GNA12: variants seen among roughly 807,000 people sequenced by gnomAD.
GNA12 encodes the protein G protein subunit alpha 12, also known as guanine nucleotide-binding protein subunit alpha-12.
Under a neutral mutation model 26.0 loss-of-function variants are expected in GNA12, and 9 were observed. That is an observed-to-expected ratio of 0.35 (90% confidence interval 0.21 to 0.60). The LOEUF (loss-of-function observed/expected upper bound fraction) is 0.60. Ranked by LOEUF, GNA12 falls within the 20% of genes least tolerant of loss-of-function variation. GNA12 has a pLI of 0.78. For missense variants in GNA12, 405 were observed against 525.8 expected (o/e 0.77, Z 2.25); for synonymous variants, 264 against 219.6 (o/e 1.20, Z -1.79).
chr7:2,768,691 A>AAACC (rs1554258744), intron 2 of GNA12, among the ~76,000 whole-genome samples: 9 of 142,590 alleles, frequency 6.3e-5, no homozygotes, highest in South Asian at 4.4e-4. Flanking sequence ...ACAAAACAAA[A>AAACC]AAAAAAACAG....
chr7:2,813,702 G>T (rs894655214), intron 1 of GNA12, among the ~76,000 whole-genome samples: 1 of 152,212 alleles, frequency 6.6e-6, no homozygotes, highest in Admixed American at 6.5e-5. Flanking sequence ...AGGAAACAGC[G>T]TATTCGTTAG....
In GNA12 at chr7:2,748,314, A is replaced by G. The variant is rs1414273578; in HGVS notation, c.526-14813T>C. Among the ~76,000 whole-genome samples the G allele has an allele frequency of 2.0e-5, 3 of 152,352 alleles. No individual in the cohort carries two copies. In the East Asian group the frequency reaches 5.8e-4, roughly 29 times the overall value. ...ATGGTACTGGTACCAAAACAGACAC[A>G]TAGACCAATGGAACAGAACAGAGCC... is the stretch of plus-strand genomic sequence containing the variant. On this transcript the variant is annotated intron_variant, in intron 2 of 3. Transcript: ENST00000275364.
chr7:2,791,820 A>G (rs1419288761), intron 2 of GNA12, among the ~76,000 whole-genome samples: 1 of 152,192 alleles, frequency 6.6e-6, no homozygotes, highest in East Asian at 1.9e-4. Context: ...AACGACTATT[A>G]GGGTCCTACT....
At chr7:2,770,573 G>A (rs376502361) in intron 2 of GNA12, among the ~76,000 whole-genome samples, 9 of 152,132 alleles carry the variant, frequency 5.9e-5, no homozygotes, top group African/African-American at 2.2e-4. Flanking sequence ...AGTGAGCTAC[G>A]ATAAGCGTGC....
At chr7:2,744,054 AAGG>A (rs1346506825) in intron 2 of GNA12, among the ~76,000 whole-genome samples, 1 of 152,208 alleles carries the variant, frequency 6.6e-6, no homozygotes, top group Non-Finnish European at 1.5e-5. Context: ...ACCACAGCTC[AAGG>A]AGGCCTGCCT....
chr7:2,735,476 A>G (rs1258265021), intron 2 of GNA12, among the ~76,000 whole-genome samples: 1 of 152,182 alleles, frequency 6.6e-6, no homozygotes, highest in African/African-American at 2.4e-5. Context: ...CCGCCCAGAT[A>G]GTACGGACGC....
chr7:2,840,781 C>G (rs148757776), intron 1 of GNA12, among the ~76,000 whole-genome samples: 3 of 151,912 alleles, frequency 2.0e-5, no homozygotes, highest in African/African-American at 4.8e-5. Flanking sequence ...GCCCACGAGG[C>G]GACGCAAGGC....
chr7:2,836,114 C>A, intron 1 of GNA12: 1 of 203,796 alleles, frequency 4.9e-6, no homozygotes, highest in Non-Finnish European at 1.0e-5. Flanking sequence ...TACTGGCAAT[C>A]TTTACAAAAA....
chr7:2,807,457 T>C (rs1017814924), intron 1 of GNA12, among the ~76,000 whole-genome samples: 7 of 152,148 alleles, frequency 4.6e-5, no homozygotes, highest in Non-Finnish European at 7.3e-5. Context: ...TTAAAACATT[T>C]AGCCTGAGTT....
chr7:2,820,108 C>T (rs747570607), intron 1 of GNA12, among the ~76,000 whole-genome samples: 1 of 152,096 alleles, frequency 6.6e-6, no homozygotes, highest in Non-Finnish European at 1.5e-5. Flanking sequence ...AGAAGTCCGT[C>T]GCAGAAGACA....
In GNA12 at chr7:2,728,425, A is replaced by T. The variant is rs1471439232; in HGVS notation, c.*2756T>A. Reference sequence around the variant, plus strand: ...GAAAATTACAATAAGAATTCTAGAGATCTCTATAAATTACAGACCTATGAC... The same window carrying T: ...GAAAATTACAATAAGAATTCTAGAGTTCTCTATAAATTACAGACCTATGAC... On this transcript the variant is annotated 3_prime_UTR_variant, in exon 4 of 4. Coordinates refer to ENST00000275364, the MANE Select transcript of GNA12 (RefSeq NM_007353.3). The T allele has an allele frequency of 6.6e-6, 1 of 152,220 alleles. No individual in the cohort carries two copies. Among genetic ancestry groups the T allele is most frequent in the Non-Finnish European group, 1.5e-5 (1 of 68,024 alleles). The allele number at this position is 152,220 out of a possible 1,614,324, so 9.4% of individuals were successfully genotyped here.
chr7:2,831,404 CTTTTTTT>C (rs3996402), intron 1 of GNA12, among the ~76,000 whole-genome samples: 3 of 130,082 alleles, frequency 2.3e-5, no homozygotes, highest in African/African-American at 5.6e-5. Flanking sequence ...ACTTCACTTT[CTTTTTTT>C]TTTTTTTTTT....
intron 1 of GNA12, among the ~76,000 whole-genome samples, chr7:2,802,471 GATT>G (rs916474516): frequency 1.8e-4 from 28 of 152,096 alleles, no homozygotes; most frequent in African/African-American, 5.8e-4. Flanking sequence ...TTTCAAAATA[GATT>G]ATGTTAGTTT....
intron 2 of GNA12, among the ~76,000 whole-genome samples, chr7:2,769,838 CA>C (rs1791903884): frequency 6.6e-6 from 1 of 152,138 alleles, no homozygotes; most frequent in African/African-American, 2.4e-5. Flanking sequence ...TTAAGATACC[CA>C]CTTCTTTATA....
intron 2 of GNA12, among the ~76,000 whole-genome samples, chr7:2,780,981 G>T (rs1306984636): frequency 6.6e-6 from 1 of 152,222 alleles, no homozygotes; most frequent in Non-Finnish European, 1.5e-5. Context: ...TGCAGTGTAT[G>T]AGAGTTCCTG....
At chr7:2,768,869 T>A (rs1331556234) in intron 2 of GNA12, among the ~76,000 whole-genome samples, 1 of 152,226 alleles carries the variant, frequency 6.6e-6, no homozygotes, top group African/African-American at 2.4e-5. Context: ...ATAAATGGGA[T>A]AAACTACTAC....
rs4722008 is a variant in GNA12, at chr7:2,729,263, C to T, written c.*1918G>A. 70,747 of 152,268 alleles carry T rather than the reference C, an allele frequency of 0.46. 17,213 individuals carry two copies. Among genetic ancestry groups the T allele is most frequent in the African/African-American group, 0.6 (25,056 of 41,480 alleles). The allele number at this position is 152,268 out of a possible 1,614,324, so 9.4% of individuals were successfully genotyped here. On this transcript the variant is annotated 3_prime_UTR_variant, in exon 4 of 4. Transcript: ENST00000275364. ...AAGGCAAACAAAGCTCACCACGCTC[C>T]GGACCGGGCTGCGCGTCACTGTTGC...
intron 2 of GNA12, among the ~76,000 whole-genome samples, chr7:2,776,928 T>C (rs923570516): frequency 1.3e-5 from 2 of 151,218 alleles, no homozygotes; most frequent in Admixed American, 1.3e-4. Context: ...TCAGCCTGGG[T>C]GACAGAGACT....
chr7:2,810,855 G>A (rs536492954), intron 1 of GNA12, among the ~76,000 whole-genome samples: 66 of 151,964 alleles, frequency 4.3e-4, no homozygotes, highest in Non-Finnish European at 8.4e-4. Flanking sequence ...CCATGATTAC[G>A]CCATTGCATT....
Sources: gnomAD v4.1 joint callset for allele counts (sites outside exome capture counted in the v4.1 genomes callset) on GRCh38, gnomAD v4.1.1 for gene constraint, MANE v1.5 for transcripts, NCBI Gene and HGNC (gene_info 2026-07-23, HGNC 2026-07-21) for gene names.